The following WDR59 variants were observed in gnomAD, a reference collection of about 807,000 sequenced individuals.
WDR59 encodes GATOR2 complex protein WDR59.
In WDR59, 100 loss-of-function variants were observed where a neutral mutation model predicts 131.2. That is an observed-to-expected ratio of 0.76 (90% CI 0.65 to 0.90). WDR59 has a LOEUF of 0.90. Among genes scored for constraint, WDR59 ranks in the 40% least tolerant of loss-of-function variants. The pLI, the probability that WDR59 is intolerant of heterozygous loss-of-function variation, is 0.00. For synonymous variants in WDR59, 601 were observed against 466.2 expected (o/e 1.29, Z -3.72); for missense variants, 1,203 against 1,262.2 (o/e 0.95, Z 0.71).
intron 18 of WDR59, among the ~76,000 whole-genome samples, chr16:74,894,934 T>A (rs72798621): frequency 2.6e-5 from 4 of 152,252 alleles, no homozygotes; most frequent in Non-Finnish European, 4.4e-5. Context: ...GTAACTATTA[T>A]GAATGTATAT....
At chr16:74,949,936 T>C in intron 4 of WDR59, 138 bp from the exon 5 acceptor site, 1 of 793,326 alleles carries the variant, frequency 1.3e-6, no homozygotes, top group East Asian at 2.8e-5. Context: ...AGGCTGAGAA[T>C]CTCCAAAGTT....
At chr16:74,896,084 T>C (rs991048902) in intron 18 of WDR59, among the ~76,000 whole-genome samples, 1 of 150,926 alleles carries the variant, frequency 6.6e-6, no homozygotes, top group African/African-American at 2.5e-5. Flanking sequence ...CTCAGGGCAC[T>C]GGATTAAAAA....
chr16:74,928,204 GTTTT>G (rs71378719), intron 8 of WDR59, among the ~76,000 whole-genome samples: 11 of 114,796 alleles, frequency 9.6e-5, no homozygotes, highest in Non-Finnish European at 1.1e-4. Flanking sequence ...CTGCATCCAG[GTTTT>G]TTTTTTTTTT....
chr16:74,943,359 G>A (rs939821907), intron 6 of WDR59, among the ~76,000 whole-genome samples: 2 of 151,338 alleles, frequency 1.3e-5, no homozygotes, highest in Non-Finnish European at 2.9e-5. Flanking sequence ...CATGCTCCCC[G>A]CACCCCACTC....
chr16:74,933,865 G>A (rs1286534493), intron 8 of WDR59, among the ~76,000 whole-genome samples: 2 of 152,172 alleles, frequency 1.3e-5, no homozygotes, highest in Admixed American at 6.6e-5. Context: ...GATTACAGGC[G>A]TGAGCCACCG....
chr16:74,942,663 G>A lies in WDR59; in HGVS notation c.534+75C>T, dbSNP rs963459195. On this transcript the variant is annotated intron_variant, in intron 7 of 25. Transcript: ENST00000262144. ...TCCCCAGACTCTCAAGCCAAGTCCT[G>A]GCACTCATAAAATCATCTTCACACC... 54 of 1,454,084 alleles carry A rather than the reference G, an allele frequency of 3.7e-5. No homozygotes were observed. In the Middle Eastern group the frequency reaches 5.2e-4, roughly 14 times the overall value. 90.1% of individuals were successfully genotyped at this position (1,454,084 alleles called of 1,614,324 possible). A position where few individuals can be genotyped will look rare whatever the true frequency, so the allele number is the denominator to read the frequency against.
In WDR59 at chr16:74,872,060, T is replaced by A. The variant is rs556417114; in HGVS notation, c.*2149A>T. 6.6e-6 allele frequency: 1 copy of A among 152,290 alleles called. No homozygotes were observed. The highest frequency in any genetic ancestry group is 2.4e-5 in the African/African-American group (1 of 41,476). The allele number at this position is 152,290 out of a possible 1,614,324, so 9.4% of individuals were successfully genotyped here. On this transcript the variant is annotated 3_prime_UTR_variant, in exon 26 of 26. Coordinates refer to ENST00000262144, the MANE Select transcript of WDR59 (RefSeq NM_030581.4). ...GAAATGAATTTACGCTATGATCCGG[T>A]ATACACCTGTGCACACATGTGCTGC...
intron 2 of WDR59, among the ~76,000 whole-genome samples, chr16:74,958,816 A>T (rs1480968603): frequency 7.0e-6 from 1 of 143,490 alleles, no homozygotes; most frequent in Non-Finnish European, 1.5e-5. Flanking sequence ...TAATCCCAGC[A>T]CTGTGGGAGG....
chr16:74,944,817 A>G (rs1033836034), intron 6 of WDR59, among the ~76,000 whole-genome samples: 1 of 152,122 alleles, frequency 6.6e-6, no homozygotes, highest in Non-Finnish European at 1.5e-5. Context: ...AAAAAAAGCA[A>G]TGAGAACAGG....
chr16:74,980,725 G>T (rs1240886123), intron 1 of WDR59, among the ~76,000 whole-genome samples: 1 of 151,982 alleles, frequency 6.6e-6, no homozygotes, highest in African/African-American at 2.4e-5. Context: ...GTAATCCAGC[G>T]CTTTGGGAGG....
Position 74,909,505 on chromosome 16 carries a change from T to G in WDR59, c.1638A>C (p.Gly546=). 1 of 1,566,840 alleles carries G rather than the reference T, an allele frequency of 6.4e-7. No homozygotes were observed. The highest frequency in any genetic ancestry group is 8.6e-7 in the Non-Finnish European group (1 of 1,159,996). ...FPRTSGARFC[G]AGYLVYFTRP... is the part of the protein sequence containing the mutation. ...CAAAGAACCAAAGAGACCCACCTGC[T>G]CCGCAGAACCTGGCCCCAGAAGTCC... is the stretch of plus-strand genomic sequence containing the variant. The change falls in exon 16 of 26, where the codon GGA becomes GGC. Residue 546 remains glycine, a synonymous_variant. Transcript: ENST00000262144.
At chr16:74,892,385 A>C (rs895692485) in intron 20 of WDR59, 99 bp downstream of exon 20, 2 of 1,024,060 alleles carry the variant, frequency 2.0e-6, no homozygotes, top group African/African-American at 3.2e-5. Context: ...CCAAATTAAG[A>C]CACACACTTT....
intron 14 of WDR59, among the ~76,000 whole-genome samples, chr16:74,911,234 A>G (rs1386858269): frequency 6.6e-6 from 1 of 152,192 alleles, no homozygotes; most frequent in East Asian, 1.9e-4. Flanking sequence ...AGAAAAATCT[A>G]TCTTTTTTGT....
chr16:74,909,529 C>T lies in WDR59; in HGVS notation c.1614G>A (p.Arg538=), dbSNP rs779137878. The change falls in exon 16 of 26, where the codon AGG becomes AGA. Residue 538 remains arginine, a synonymous_variant. Transcript: ENST00000262144. The stretch of plus-strand genomic sequence containing the variant: ...CTCCGCAGAACCTGGCCCCAGAAGT[C>T]CTAGGAAAGGGAATGTTGGCGTCCT... ...SYQDANIPFP[R]TSGARFCGAG... 2.5e-6 allele frequency: 4 copies of T among 1,597,136 alleles called. No homozygotes were observed. Among genetic ancestry groups the T allele is most frequent in the Admixed American group, 1.8e-5 (1 of 56,420 alleles).
At chr16:74,959,129 G>A (rs1567433151) in intron 2 of WDR59, among the ~76,000 whole-genome samples, 1 of 152,164 alleles carries the variant, frequency 6.6e-6, no homozygotes, top group Non-Finnish European at 1.5e-5. Context: ...GTGGAGAGTG[G>A]GTGCTATTCT....
At chr16:74,909,257 G>A (rs993362021) in intron 16 of WDR59, among the ~76,000 whole-genome samples, 1 of 152,108 alleles carries the variant, frequency 6.6e-6, no homozygotes, top group African/African-American at 2.4e-5. Flanking sequence ...AGGGCTCTGA[G>A]TAAAGACTCA....
At chr16:74,887,882 C>T in intron 22 of WDR59, 127 bp from the exon 23 acceptor site, 1 of 1,011,026 alleles carries the variant, frequency 9.9e-7, no homozygotes, top group Non-Finnish European at 1.5e-6. Flanking sequence ...GTTTGGGAGG[C>T]CAAGGAAGGT....
Position 74,904,116 on chromosome 16 carries a change from A to T in WDR59, c.1713-16T>A. 6.2e-7 allele frequency: 1 copy of T among 1,608,200 alleles called. No individual in the cohort carries two copies. Among genetic ancestry groups the T allele is most frequent in the Non-Finnish European group, 8.5e-7 (1 of 1,177,186 alleles). ...TGAGAGAGATCTGTAGTTGAAAATG[A>T]TAATTATCCACACTGGCTGCAGTCC... is the stretch of plus-strand genomic sequence containing the variant. On this transcript the variant is annotated splice_polypyrimidine_tract_variant and intron_variant, in intron 17 of 25. Transcript: ENST00000262144.
intron 7 of WDR59, among the ~76,000 whole-genome samples, chr16:74,940,450 T>G (rs938352137): frequency 6.6e-6 from 1 of 151,240 alleles, no homozygotes; most frequent in African/African-American, 2.4e-5. Context: ...TATAAAGAGA[T>G]ATTAATCAAT....
Sources: allele counts gnomAD v4.1 joint callset (sites outside exome capture counted in the v4.1 genomes callset), GRCh38; gene constraint gnomAD v4.1.1; transcripts MANE v1.5; gene names NCBI Gene and HGNC (gene_info 2026-07-23, HGNC 2026-07-21).